The following PTBP2 variants were observed in gnomAD, a reference collection of about 807,000 sequenced individuals.
The protein encoded by PTBP2 is polypyrimidine tract binding protein 2.
Under a neutral mutation model 61.4 loss-of-function variants are expected in PTBP2, and 13 were observed. That is an observed-to-expected ratio of 0.21 (90% CI 0.14 to 0.34). The LOEUF (loss-of-function observed/expected upper bound fraction) is 0.34, where lower values mean the gene tolerates loss of function less well. Ranked by LOEUF, PTBP2 falls within the 10% of genes least tolerant of loss-of-function variation. The pLI, the probability that PTBP2 is intolerant of heterozygous loss-of-function variation, is 1.00. For synonymous variants in PTBP2, 215 were observed against 218.5 expected (o/e 0.98, Z 0.14); for missense variants, 405 against 642.6 (o/e 0.63, Z 4.00).
chr1:96,737,137 A>T (rs199917187), intron 2 of PTBP2, among the ~76,000 whole-genome samples: 4 of 151,044 alleles, frequency 2.6e-5, no homozygotes, highest in Admixed American at 2.6e-4. Flanking sequence ...CTGCCACCAC[A>T]CCCGGCTAAT....
intron 7 of PTBP2, among the ~76,000 whole-genome samples, chr1:96,778,214 GA>G (rs1271262267): frequency 7.0e-6 from 1 of 142,632 alleles, no homozygotes; most frequent in African/African-American, 2.6e-5. Context: ...GTACTCTTAA[GA>G]AAAAAGCAGG....
At chr1:96,773,541 C>T (rs1037846456) in intron 5 of PTBP2, among the ~76,000 whole-genome samples, 1 of 152,038 alleles carries the variant, frequency 6.6e-6, no homozygotes, top group African/African-American at 2.4e-5. Context: ...TTTCGTGTTT[C>T]AGAATGGACA....
At chr1:96,752,251 C>T (rs1016331932) in intron 3 of PTBP2, among the ~76,000 whole-genome samples, 1 of 151,924 alleles carries the variant, frequency 6.6e-6, no homozygotes, top group African/African-American at 2.4e-5. Flanking sequence ...ATGAATTTAC[C>T]TCACAACTCC....
At chr1:96,765,530 G>A (rs1022790166) in intron 3 of PTBP2, among the ~76,000 whole-genome samples, 21 of 152,250 alleles carry the variant, frequency 1.4e-4, no homozygotes, top group South Asian at 4.2e-4. Flanking sequence ...GGCCAACATG[G>A]TGAAACCCCA....
At chr1:96,790,329 T>A (rs1433672286) in intron 8 of PTBP2, among the ~76,000 whole-genome samples, 1 of 151,974 alleles carries the variant, frequency 6.6e-6, no homozygotes, top group African/African-American at 2.4e-5. Context: ...AGACATCTAA[T>A]ATCTGGTTGC....
downstream of PTBP2, chr1:96,815,827 T>G (rs1415206912): frequency 6.6e-6 from 1 of 152,204 alleles, no homozygotes; most frequent in African/African-American, 2.4e-5. Context: ...AGCTAGGTGA[T>G]CTGTGTTTTT....
At chr1:96,737,417 G>A (rs951137647) in intron 2 of PTBP2, among the ~76,000 whole-genome samples, 26 of 152,016 alleles carry the variant, frequency 1.7e-4, no homozygotes, top group East Asian at 5.8e-4. Context: ...GAGATAGAAC[G>A]CAAATAATTG....
chr1:96,803,189 T>C (rs1661195010), intron 8 of PTBP2, among the ~76,000 whole-genome samples: 1 of 152,146 alleles, frequency 6.6e-6, no homozygotes, highest in South Asian at 2.1e-4. Context: ...TATTGTGCAT[T>C]AGTAAGTATT....
intron 4 of PTBP2, 123 bp from the exon 5 acceptor site, chr1:96,770,585 C>A: frequency 1.1e-6 from 1 of 902,138 alleles, no homozygotes; most frequent in Non-Finnish European, 1.7e-6. Context: ...CTTATCAGAA[C>A]ATTTAAAAGT....
chr1:96,788,466 T>C (rs1308276314), intron 8 of PTBP2, among the ~76,000 whole-genome samples: 1 of 152,074 alleles, frequency 6.6e-6, no homozygotes, highest in Non-Finnish European at 1.5e-5. Context: ...TATGGTGATA[T>C]CCAATATTGC....
rs1380470559 is a variant in PTBP2, at chr1:96,814,635, T to G, written c.*1230T>G. The G allele has an allele frequency of 6.6e-6, 1 of 152,568 alleles. No individual in the cohort carries two copies. The highest frequency in any genetic ancestry group is 1.5e-5 in the Non-Finnish European group (1 of 67,978). 9.5% of individuals were successfully genotyped at this position (152,568 alleles called of 1,614,324 possible). A position where few individuals can be genotyped will look rare whatever the true frequency, so the allele number is the denominator to read the frequency against. On this transcript the variant is annotated 3_prime_UTR_variant, in exon 14 of 14. Transcript: ENST00000674951. Reference sequence around the variant, plus strand: ...TTCTGTTTAAATGACCAATACTTTTTGAAATTGATGTACTTAGTTTCAAGA... The same window carrying G: ...TTCTGTTTAAATGACCAATACTTTTGGAAATTGATGTACTTAGTTTCAAGA...
At chr1:96,778,338 C>CTA (rs1480569700) in intron 7 of PTBP2, among the ~76,000 whole-genome samples, 1 of 151,576 alleles carries the variant, frequency 6.6e-6, no homozygotes, top group African/African-American at 2.4e-5. Flanking sequence ...GGCTCAAATG[C>CTA]TATGATAGGC....
chr1:96,786,628 G>A (rs116358337), intron 8 of PTBP2, among the ~76,000 whole-genome samples: 2,911 of 152,216 alleles, frequency 0.019, 96 homozygotes, highest in African/African-American at 0.066. Context: ...AATTTATTGA[G>A]TAGCTTCTAG....
intron 1 of PTBP2, among the ~76,000 whole-genome samples, 170 bp from the exon 2 acceptor site, chr1:96,723,394 G>GGTAACA (rs1420951141): frequency 1.3e-5 from 2 of 152,170 alleles, no homozygotes; most frequent in African/African-American, 2.4e-5. Context: ...AAACCAGGTT[G>GGTAACA]GTAACAGTAC....
intron 2 of PTBP2, among the ~76,000 whole-genome samples, chr1:96,723,966 T>A (rs1033146996): frequency 6.6e-6 from 1 of 152,248 alleles, no homozygotes; most frequent in Non-Finnish European, 1.5e-5. Context: ...TTTTGTTTTT[T>A]ATTACTTTTT....
In PTBP2 at chr1:96,799,098, G is replaced by A. The variant is rs1660691307; in HGVS notation, c.905-5702G>A. Among the ~76,000 whole-genome samples, 4 of 152,046 alleles carry A rather than the reference G, an allele frequency of 2.6e-5. No individual in the cohort carries two copies. The South Asian group carries it at 8.3e-4, about 32-fold the overall frequency. On this transcript the variant is annotated intron_variant, in intron 8 of 13. Coordinates refer to ENST00000674951, the MANE Select transcript of PTBP2 (RefSeq NM_021190.4). ...ATCAGCTTCAGTGGAGGAAAGGTTA[G>A]GAATAATAGTGTCAGAACTAACATG...
chr1:96,792,820 C>T (rs945798954), intron 8 of PTBP2, among the ~76,000 whole-genome samples: 6 of 151,900 alleles, frequency 3.9e-5, no homozygotes, highest in Non-Finnish European at 8.8e-5. Context: ...TTTTCAAAAT[C>T]CTTTTCTATA....
At chr1:96,757,293 A>G (rs1205550266) in intron 3 of PTBP2, among the ~76,000 whole-genome samples, 1 of 152,120 alleles carries the variant, frequency 6.6e-6, no homozygotes, top group Non-Finnish European at 1.5e-5. Flanking sequence ...AACAGTAAGC[A>G]CAAGAAAGTT....
At chr1:96,806,647 A>G (rs1456299030) in intron 10 of PTBP2, among the ~76,000 whole-genome samples, 195 bp downstream of exon 10, 1 of 152,186 alleles carries the variant, frequency 6.6e-6, no homozygotes, top group Non-Finnish European at 1.5e-5. Flanking sequence ...CTTTAATTTA[A>G]TATCATTCAC....
Sources: gnomAD v4.1 joint callset for allele counts (sites outside exome capture counted in the v4.1 genomes callset) on GRCh38, gnomAD v4.1.1 for gene constraint, MANE v1.5 for transcripts, NCBI Gene and HGNC (gene_info 2026-07-23, HGNC 2026-07-21) for gene names.